The following PAX7 variants were observed in gnomAD, a reference collection of about 807,000 sequenced individuals.
PAX7 encodes paired box protein Pax-7.
Under a neutral mutation model 50.7 loss-of-function variants are expected in PAX7, and 18 were observed. The observed-to-expected ratio is 0.36, with a 90% CI of 0.25 to 0.53. PAX7 has a LOEUF of 0.53. Among genes scored for constraint, PAX7 ranks in the 20% least tolerant of loss-of-function variants. PAX7 has a pLI of 0.93. For missense variants in PAX7, 644 were observed against 702.9 expected (o/e 0.92, Z 0.95); for synonymous variants, 310 against 290.4 (o/e 1.07, Z -0.69).
intron 4 of PAX7, among the ~76,000 whole-genome samples, chr1:18,657,660 C>G (rs991573184): frequency 1.3e-5 from 2 of 152,150 alleles, no homozygotes; most frequent in Non-Finnish European, 2.9e-5. Flanking sequence ...TTCAGGGGCC[C>G]GATGAATAGC....
At chr1:18,694,462 AAATAAATAAATAAAT>A (rs1326283803) in intron 5 of PAX7, among the ~76,000 whole-genome samples, 75 of 22,164 alleles carry the variant, frequency 3.4e-3, no homozygotes, top group African/African-American at 0.013. Context: ...TCTGTCTCGA[AAATAAATAAATAAAT>A]AAATAAATAA....
intron 4 of PAX7, among the ~76,000 whole-genome samples, chr1:18,647,677 A>G (rs1345703021): frequency 6.6e-6 from 1 of 152,198 alleles, no homozygotes; most frequent in Non-Finnish European, 1.5e-5. Context: ...CGTAAAGTAC[A>G]GGGCAAACTG....
chr1:18,702,694 A>T (rs1316083234), intron 6 of PAX7, among the ~76,000 whole-genome samples: 5 of 152,116 alleles, frequency 3.3e-5, no homozygotes, highest in Non-Finnish European at 5.9e-5. Context: ...GTCTTGCTTC[A>T]TACCCTTAGG....
In PAX7 at chr1:18,662,720, G is replaced by T. The variant is rs80106766; in HGVS notation, c.586+26349G>T. The stretch of plus-strand genomic sequence containing the variant: ...CGAGTAGCTGGGGTTACAGGGACAC[G>T]CCATCATGCTCAGTTAAATTTTTTT... On this transcript the variant is annotated intron_variant, in intron 4 of 8. Transcript: ENST00000420770. Among the ~76,000 whole-genome samples, 898 of 152,114 alleles carry T rather than the reference G, an allele frequency of 5.9e-3. 9 individuals carry two copies. Among genetic ancestry groups the T allele is most frequent in the African/African-American group, 0.02 (832 of 41,482 alleles).
intron 4 of PAX7, among the ~76,000 whole-genome samples, chr1:18,686,267 A>G (rs1283722041): frequency 1.3e-5 from 2 of 152,190 alleles, no homozygotes; most frequent in Non-Finnish European, 2.9e-5. Flanking sequence ...TTTGCTCAGT[A>G]TGGACTGCTC....
intron 8 of PAX7, among the ~76,000 whole-genome samples, chr1:18,738,706 C>T (rs1159015065): frequency 6.6e-6 from 1 of 152,160 alleles, no homozygotes; most frequent in Non-Finnish European, 1.5e-5. Context: ...GAGCCCAGCA[C>T]AGACCCCAAC....
In PAX7 at chr1:18,747,912, G is replaced by T. The variant is rs1309839319; in HGVS notation, c.*2983G>T. The stretch of plus-strand genomic sequence containing the variant: ...CTTCATATTGTGTGTTTCAAATTAT[G>T]CATTCCAGGCTCTAGTGGGTTCTTT... On this transcript the variant is annotated 3_prime_UTR_variant, in exon 9 of 9. Coordinates refer to ENST00000420770, the MANE Select transcript of PAX7 (RefSeq NM_001135254.2). The T allele has an allele frequency of 5.1e-6, 1 of 195,802 alleles. No individual in the cohort carries two copies. Among genetic ancestry groups the T allele is most frequent in the African/African-American group, 2.3e-5 (1 of 43,190 alleles). 12.1% of individuals were successfully genotyped at this position (195,802 alleles called of 1,614,324 possible).
At chr1:18,666,704 C>T (rs1221969522) in intron 4 of PAX7, among the ~76,000 whole-genome samples, 1 of 152,156 alleles carries the variant, frequency 6.6e-6, no homozygotes, top group Non-Finnish European at 1.5e-5. Context: ...ACCCCATTGC[C>T]CGGCAAAGTC....
At chr1:18,682,867 C>G (rs1202634446) in intron 4 of PAX7, among the ~76,000 whole-genome samples, 1 of 152,126 alleles carries the variant, frequency 6.6e-6, no homozygotes, top group African/African-American at 2.4e-5. Context: ...AAGGACTGGT[C>G]TCAAGGGGAA....
chr1:18,733,892 C>T (rs1025997282), intron 7 of PAX7, among the ~76,000 whole-genome samples: 7 of 152,146 alleles, frequency 4.6e-5, no homozygotes, highest in Non-Finnish European at 1.5e-5. Flanking sequence ...GGCCCCTTTG[C>T]GGGCCTCAGT....
At chr1:18,633,086 T>C (rs1364808161) in intron 1 of PAX7, among the ~76,000 whole-genome samples, 3 of 152,216 alleles carry the variant, frequency 2.0e-5, no homozygotes, top group Non-Finnish European at 4.4e-5. Context: ...ACTCCGACTT[T>C]GCGACGCACG....
intron 7 of PAX7, among the ~76,000 whole-genome samples, chr1:18,708,157 T>A (rs968151132): frequency 6.6e-5 from 10 of 152,098 alleles, no homozygotes; most frequent in East Asian, 3.8e-4. Flanking sequence ...TCATTCCTGA[T>A]AACGTTCATC....
rs2089241612 is a variant in PAX7, at chr1:18,703,090, A to G, written c.953-4A>G. ...CTTAGGACCTCTCTTGGGTCTCTCT[A>G]CAGATGGGGGCAGCACTGTGCACCG... is the stretch of plus-strand genomic sequence containing the variant. On this transcript the variant is annotated splice_polypyrimidine_tract_variant and splice_region_variant and intron_variant, in intron 6 of 8. Transcript: ENST00000420770. 1.2e-6 allele frequency: 2 copies of G among 1,612,876 alleles called. No homozygotes were observed. Among genetic ancestry groups the G allele is most frequent in the African/African-American group, 1.3e-5 (1 of 74,900 alleles).
intron 7 of PAX7, among the ~76,000 whole-genome samples, chr1:18,725,739 C>T (rs2089557366): frequency 6.6e-6 from 1 of 152,214 alleles, no homozygotes; most frequent in Non-Finnish European, 1.5e-5. Context: ...ACTCTAATCC[C>T]TCGTCCACCA....
chr1:18,725,378 C>T (rs1035131476), intron 7 of PAX7, among the ~76,000 whole-genome samples: 1 of 149,850 alleles, frequency 6.7e-6, no homozygotes, highest in East Asian at 2.1e-4. Flanking sequence ...CCAACCTGGG[C>T]GGGGGACCAG....
rs147439733 is a variant in PAX7 at position 18,691,563 on chromosome 1, T to C, written c.587-191T>C. 8.3e-3 allele frequency among the ~76,000 whole-genome samples: 1,260 copies of C among 152,340 alleles called. 17 individuals carry two copies. The highest frequency in any genetic ancestry group is 0.029 in the African/African-American group (1,219 of 41,570). ...CTCTAGGGTTGGGCATGGAGGTTGCTTCCCATCCTTCACATTGATAAACAA... is the reference window on the plus strand; with the variant it reads ...CTCTAGGGTTGGGCATGGAGGTTGCCTCCCATCCTTCACATTGATAAACAA... On this transcript the variant is annotated intron_variant, in intron 4 of 8. Transcript: ENST00000420770.
intron 8 of PAX7, among the ~76,000 whole-genome samples, chr1:18,740,390 G>A (rs965295700): frequency 6.6e-6 from 1 of 152,220 alleles, no homozygotes; most frequent in Non-Finnish European, 1.5e-5. Context: ...AAGGCACGCA[G>A]AGTGGCCAGA....
chr1:18,705,968 C>T (rs924665058), intron 7 of PAX7, among the ~76,000 whole-genome samples: 1 of 152,100 alleles, frequency 6.6e-6, no homozygotes, highest in East Asian at 1.9e-4. Context: ...TGGAGGAGGG[C>T]GGGTGCAGGG....
chr1:18,703,442 T>C, intron 7 of PAX7, 146 bp downstream of exon 7: 2 of 718,462 alleles, frequency 2.8e-6, no homozygotes, highest in Non-Finnish European at 4.7e-6. Flanking sequence ...GAATCCTCCC[T>C]GGACTCTGTC....
Sources: allele counts gnomAD v4.1 joint callset (sites outside exome capture counted in the v4.1 genomes callset), GRCh38; gene constraint gnomAD v4.1.1; transcripts MANE v1.5; gene names NCBI Gene and HGNC (gene_info 2026-07-23, HGNC 2026-07-21).